The following TRPA1 variants were observed in gnomAD, a reference collection of about 807,000 sequenced individuals.
TRPA1 encodes the protein transient receptor potential cation channel subfamily A member 1.
TRPA1 carries 129 observed loss-of-function variants against 131.3 expected under a neutral mutation model. The ratio of observed to expected loss-of-function variants is 0.98; its 90% CI spans 0.85 to 1.14. The LOEUF (loss-of-function observed/expected upper bound fraction) is 1.14. TRPA1 is among the 50% of genes most tolerant of loss of function. The pLI is 0.00. For missense variants in TRPA1, 1,304 were observed against 1,354.2 expected (o/e 0.96, Z 0.58); for synonymous variants, 441 against 451.7 (o/e 0.98, Z 0.30).
the TRPA1 span, among the ~76,000 whole-genome samples, chr8:72,082,636 AT>A: frequency 1.6e-4 from 25 of 151,670 alleles, no homozygotes; most frequent in Admixed American, 4.6e-4. Flanking sequence ...GTATTATTAC[AT>A]TGCCTTCTGG....
intron 1 of TRPA1, among the ~76,000 whole-genome samples, chr8:72,075,055 T>A (rs1273053576): frequency 6.6e-6 from 1 of 152,152 alleles, no homozygotes; most frequent in East Asian, 1.9e-4. Context: ...TTTGAGTAGG[T>A]TTCCCTGGAC....
chr8:72,029,875 A>G, intron 24 of TRPA1, 26 bp downstream of exon 24: 1 of 1,609,296 alleles, frequency 6.2e-7, no homozygotes, highest in African/African-American at 1.3e-5. Context: ...ATAACACTGT[A>G]ATAAGTGGGG....
the TRPA1 span, among the ~76,000 whole-genome samples, chr8:72,087,103 C>A: frequency 6.6e-6 from 1 of 152,188 alleles, no homozygotes; most frequent in Admixed American, 6.5e-5. Context: ...AGGCTGAAAT[C>A]TTCCAAGTTT....
At chr8:72,044,241 T>C (rs1812352548) in intron 17 of TRPA1, among the ~76,000 whole-genome samples, 1 of 151,492 alleles carries the variant, frequency 6.6e-6, no homozygotes, top group Non-Finnish European at 1.5e-5. Flanking sequence ...CTAGCTATTG[T>C]TTTTGAGACC....
chr8:72,057,548 T>C (rs1401713623), intron 9 of TRPA1, among the ~76,000 whole-genome samples, 169 bp downstream of exon 9: 2 of 152,242 alleles, frequency 1.3e-5, no homozygotes, highest in Non-Finnish European at 2.9e-5. Flanking sequence ...AGAAAATTAT[T>C]CTAGACATGA....
At chr8:72,045,717 T>G (rs944038947) in intron 17 of TRPA1, among the ~76,000 whole-genome samples, 1 of 151,804 alleles carries the variant, frequency 6.6e-6, no homozygotes, top group Non-Finnish European at 1.5e-5. Flanking sequence ...TAGTAGCCAC[T>G]GTCCTTTTAA....
rs763772188 is a variant in TRPA1 at position 72,022,943 on chromosome 8, C to G, written c.3323G>C (p.Arg1108Thr). 2.5e-6 allele frequency: 4 copies of G among 1,613,714 alleles called. No homozygotes were observed. Among genetic ancestry groups the G allele is most frequent in the Admixed American group, 3.3e-5 (2 of 59,952 alleles). Residue 1108 changes from arginine to threonine, a missense_variant, in exon 27 of 27, where the codon AGA (arginine) becomes ACA (threonine). Coordinates refer to ENST00000262209, the MANE Select transcript of TRPA1 (RefSeq NM_007332.3). ...ATGGTGTGTTTTTGCCTTGACTGCT[C>G]TCAACACAGTATTCCATCTGCTATT... The part of the protein sequence containing the change: ...QRNSRWNTVL[R>T]AVKAKTHHLE...
intron 2 of TRPA1, among the ~76,000 whole-genome samples, chr8:72,070,539 G>A (rs2129436676): frequency 6.6e-6 from 1 of 152,172 alleles, no homozygotes; most frequent in East Asian, 1.9e-4. Context: ...GAGGTCACTG[G>A]ACCCTTCTAA....
intron 18 of TRPA1, 34 bp downstream of exon 18, chr8:72,039,693 C>T: frequency 7.7e-7 from 1 of 1,297,736 alleles, no homozygotes; most frequent in Non-Finnish European, 1.1e-6. Flanking sequence ...CCAATAGACA[C>T]AGCATTAAAC....
chr8:72,026,680 A>C (rs1253855348), intron 24 of TRPA1, among the ~76,000 whole-genome samples: 3 of 152,238 alleles, frequency 2.0e-5, no homozygotes, highest in Non-Finnish European at 2.9e-5. Context: ...TACTATTTTC[A>C]GGGATAGCAA....
Position 72,055,484 on chromosome 8 carries a change from T to C in TRPA1, c.1481A>G (p.His494Arg), listed in dbSNP as rs1805639671. ...CAGAAGAAGCTGAACTACTTTATCA[T>C]GTCCATTCTTTGCTGCCAGATGGAG... ...TPLHLAAKNGHDKVVQLLLKK... is the reference protein window; with the variant it reads ...TPLHLAAKNGRDKVVQLLLKK... The change falls in exon 12 of 27, where the codon CAT becomes CGT. Residue 494 changes from histidine to arginine, a missense_variant. Coordinates refer to ENST00000262209, the MANE Select transcript of TRPA1 (RefSeq NM_007332.3). 2 of 1,613,286 alleles carry C rather than the reference T, an allele frequency of 1.2e-6. No homozygotes were observed. Among genetic ancestry groups the C allele is most frequent in the Non-Finnish European group, 8.5e-7 (1 of 1,179,322 alleles).
chr8:72,073,962 T>G (rs1806119782), intron 1 of TRPA1, among the ~76,000 whole-genome samples: 1 of 152,204 alleles, frequency 6.6e-6, no homozygotes, highest in Non-Finnish European at 1.5e-5. Context: ...CTACTTGGTG[T>G]GTGTGATTAA....
intron 2 of TRPA1, 96 bp from the exon 3 acceptor site, chr8:72,069,294 A>G: frequency 8.2e-7 from 1 of 1,221,546 alleles, no homozygotes; most frequent in African/African-American, 1.5e-5. Flanking sequence ...TGCCAAGTGC[A>G]AATGAAATCA....
the TRPA1 span, among the ~76,000 whole-genome samples, chr8:72,086,859 T>C: frequency 6.6e-6 from 1 of 152,198 alleles, no homozygotes; most frequent in South Asian, 2.1e-4. Context: ...TTATTATTTA[T>C]TTCTGCATAT....
At chr8:72,056,715 C>T (rs1805675040) in intron 10 of TRPA1, among the ~76,000 whole-genome samples, 1 of 152,032 alleles carries the variant, frequency 6.6e-6, no homozygotes, top group African/African-American at 2.4e-5. Context: ...AGTCTCACTA[C>T]AATTAATTAT....
At chr8:72,035,985 T>C (rs1028195325) in intron 21 of TRPA1, among the ~76,000 whole-genome samples, 6 of 84,458 alleles carry the variant, frequency 7.1e-5, no homozygotes, top group Admixed American at 1.9e-4. Flanking sequence ...ATTTACGATA[T>C]ACAAGACAGT....
chr8:72,088,965 A>G, the TRPA1 span, among the ~76,000 whole-genome samples: 1 of 152,194 alleles, frequency 6.6e-6, no homozygotes, highest in Non-Finnish European at 1.5e-5. Context: ...TGAGATATTA[A>G]AAAAGCTAAT....
rs1257315169 is a variant in TRPA1, at chr8:72,023,206, C to T, written c.3150-90G>A. ...GAAGGCATAGGTTTTAACCTCGGTCCCTTCTGAATGTAGGAACGCATAGGT... is the reference window on the plus strand; with the variant it reads ...GAAGGCATAGGTTTTAACCTCGGTCTCTTCTGAATGTAGGAACGCATAGGT... On this transcript the variant is annotated intron_variant, in intron 26 of 26. Coordinates refer to ENST00000262209, the MANE Select transcript of TRPA1 (RefSeq NM_007332.3). 16 of 388,194 alleles carry T rather than the reference C, an allele frequency of 4.1e-5. No individual in the cohort carries two copies. In the Admixed American group the frequency reaches 7.2e-4, roughly 18 times the overall value. The allele number at this position is 388,194 out of a possible 1,614,324, so 24.0% of individuals were successfully genotyped here.
At chr8:72,024,872 G>A (rs935781522) in intron 25 of TRPA1, among the ~76,000 whole-genome samples, 11 of 152,070 alleles carry the variant, frequency 7.2e-5, no homozygotes, top group African/African-American at 2.7e-4. Flanking sequence ...ATAAAGCCTA[G>A]ACTGATACTC....
Sources: allele counts gnomAD v4.1 joint callset (sites outside exome capture counted in the v4.1 genomes callset), GRCh38; gene constraint gnomAD v4.1.1; transcripts MANE v1.5; gene names NCBI Gene and HGNC (gene_info 2026-07-23, HGNC 2026-07-21).